Variants in LRRTM4 observed in about 807,000 individuals in gnomAD.
LRRTM4 encodes the protein leucine-rich repeat transmembrane neuronal protein 4.
A neutral mutation model predicts 47.6 loss-of-function variants in LRRTM4; 25 were observed. That is an observed-to-expected ratio of 0.53 (90% CI 0.38 to 0.73). LRRTM4 has a LOEUF of 0.73. Among genes scored for constraint, LRRTM4 ranks in the 30% least tolerant of loss-of-function variants. The pLI is 0.00. For missense variants in LRRTM4, 638 were observed against 713.4 expected (o/e 0.89, Z 1.20); for synonymous variants, 311 against 269.5 (o/e 1.15, Z -1.51).
intron 3 of LRRTM4, among the ~76,000 whole-genome samples, chr2:76,808,622 G>T (rs1293733314): frequency 6.6e-6 from 1 of 151,974 alleles, no homozygotes; most frequent in Non-Finnish European, 1.5e-5. Flanking sequence ...TTATCTTTTA[G>T]CACACTTTTA....
At chr2:76,800,603 G>T (rs1675613753) in intron 3 of LRRTM4, among the ~76,000 whole-genome samples, 1 of 140,398 alleles carries the variant, frequency 7.1e-6, no homozygotes, top group Admixed American at 7.4e-5. Context: ...ATTGACAAAT[G>T]GGATCTAATT....
intron 3 of LRRTM4, among the ~76,000 whole-genome samples, chr2:77,512,021 A>C (rs2104105725): frequency 6.6e-6 from 1 of 152,264 alleles, no homozygotes; most frequent in East Asian, 1.9e-4. Flanking sequence ...TCATAGGCTC[A>C]AACATAGCTC....
intron 3 of LRRTM4, among the ~76,000 whole-genome samples, chr2:77,330,024 C>T (rs1257331393): frequency 6.6e-6 from 1 of 151,866 alleles, no homozygotes; most frequent in Non-Finnish European, 1.5e-5. Context: ...AGAGAGGAGG[C>T]AAAGGACCAT....
At chr2:77,350,282 C>A (rs1480922280) in intron 3 of LRRTM4, among the ~76,000 whole-genome samples, 12 of 127,424 alleles carry the variant, frequency 9.4e-5, no homozygotes, top group Non-Finnish European at 1.6e-4. Flanking sequence ...GCCGAGATTG[C>A]GCCACTGCAG....
intron 3 of LRRTM4, among the ~76,000 whole-genome samples, chr2:76,990,897 C>T (rs1015401260): frequency 5.3e-5 from 8 of 151,574 alleles, no homozygotes; most frequent in Non-Finnish European, 1.2e-4. Context: ...ACATGCTTGG[C>T]TATAAAGCAT....
At chr2:76,838,038 T>A (rs1266237378) in intron 3 of LRRTM4, among the ~76,000 whole-genome samples, 3 of 151,818 alleles carry the variant, frequency 2.0e-5, no homozygotes, top group Non-Finnish European at 4.4e-5. Context: ...TATACATATG[T>A]AACTAACCTG....
chr2:77,073,917 C>T (rs1680247233), intron 3 of LRRTM4, among the ~76,000 whole-genome samples: 1 of 151,900 alleles, frequency 6.6e-6, no homozygotes, highest in African/African-American at 2.4e-5. Flanking sequence ...CAGCTGAGGG[C>T]ATTTTATTTA....
chr2:76,896,206 A>G (rs1673412294), intron 3 of LRRTM4, among the ~76,000 whole-genome samples: 1 of 151,774 alleles, frequency 6.6e-6, no homozygotes, highest in Non-Finnish European at 1.5e-5. Flanking sequence ...TCCTATGCAC[A>G]CACACAAACA....
At chr2:77,288,978 C>G (rs1288497488) in intron 3 of LRRTM4, among the ~76,000 whole-genome samples, 1 of 152,052 alleles carries the variant, frequency 6.6e-6, no homozygotes, top group Non-Finnish European at 1.5e-5. Flanking sequence ...TAGTGAAAAA[C>G]AGTTTGCCCT....
intron 3 of LRRTM4, among the ~76,000 whole-genome samples, chr2:77,017,709 T>C (rs1271415613): frequency 6.6e-6 from 1 of 152,166 alleles, no homozygotes; most frequent in Non-Finnish European, 1.5e-5. Flanking sequence ...GTCATTACGA[T>C]ATCTAAAAGA....
At chr2:76,882,953 C>T (rs750598245) in intron 3 of LRRTM4, among the ~76,000 whole-genome samples, 3 of 152,040 alleles carry the variant, frequency 2.0e-5, no homozygotes, top group African/African-American at 4.8e-5. Flanking sequence ...GCCATTTATC[C>T]TTCCAATGTC....
At chr2:77,190,291 CTTTTTT>C (rs143873795) in intron 3 of LRRTM4, among the ~76,000 whole-genome samples, 1 of 103,908 alleles carries the variant, frequency 9.6e-6, no homozygotes, top group Non-Finnish European at 1.8e-5. Flanking sequence ...GCATTTTCAT[CTTTTTT>C]TTTTTTTTTT....
At chr2:77,011,043 C>G in intron 3 of LRRTM4, among the ~76,000 whole-genome samples, 1 of 151,820 alleles carries the variant, frequency 6.6e-6, no homozygotes, top group East Asian at 1.9e-4. Context: ...ATCAGACAGT[C>G]AGAAGTACTA....
At chr2:77,453,809 T>A (rs1463714545) in intron 3 of LRRTM4, among the ~76,000 whole-genome samples, 1 of 152,198 alleles carries the variant, frequency 6.6e-6, no homozygotes, top group Non-Finnish European at 1.5e-5. Flanking sequence ...TCACATTTAT[T>A]TTGATAGCCT....
chr2:76,771,497 C>G (rs1225982945), intron 3 of LRRTM4, among the ~76,000 whole-genome samples: 1 of 152,086 alleles, frequency 6.6e-6, no homozygotes, highest in Non-Finnish European at 1.5e-5. Flanking sequence ...ACCCCTTTAA[C>G]CACTGAGCTC....
chr2:77,295,877 G>A (rs1676959864), intron 3 of LRRTM4, among the ~76,000 whole-genome samples: 1 of 152,016 alleles, frequency 6.6e-6, no homozygotes, highest in South Asian at 2.1e-4. Flanking sequence ...TGAGATATTT[G>A]GACATTCTGA....
At chr2:77,106,369 CT>C (rs1671092863) in intron 3 of LRRTM4, among the ~76,000 whole-genome samples, 1 of 152,084 alleles carries the variant, frequency 6.6e-6, no homozygotes, top group Admixed American at 6.6e-5. Context: ...ACACATAGTC[CT>C]TGTGGCACTT....
At chr2:77,321,636 A>T (rs1677795206) in intron 3 of LRRTM4, among the ~76,000 whole-genome samples, 1 of 152,080 alleles carries the variant, frequency 6.6e-6, no homozygotes, top group African/African-American at 2.4e-5. Flanking sequence ...GATAAGACAA[A>T]ACCGGGGGGA....
chr2:77,105,781 G>A (rs1396829946), intron 3 of LRRTM4, among the ~76,000 whole-genome samples: 1 of 152,112 alleles, frequency 6.6e-6, no homozygotes, highest in Non-Finnish European at 1.5e-5. Flanking sequence ...GATGAAATAA[G>A]TTTGCCTGTT....
Sources: allele counts gnomAD v4.1 joint callset (sites outside exome capture counted in the v4.1 genomes callset), GRCh38; gene constraint gnomAD v4.1.1; transcripts MANE v1.5; gene names NCBI Gene and HGNC (gene_info 2026-07-23, HGNC 2026-07-21).